The following MIOS variants were observed in gnomAD, a reference collection of about 807,000 sequenced individuals.
The protein encoded by MIOS is meiosis regulator for oocyte development.
A neutral mutation model predicts 96.9 loss-of-function variants in MIOS; 52 were observed. The observed-to-expected ratio is 0.54, with a 90% CI of 0.43 to 0.68. The LOEUF (loss-of-function observed/expected upper bound fraction) is 0.68. Ranked by LOEUF, MIOS falls within the 30% of genes least tolerant of loss-of-function variation. The pLI, the probability that MIOS is intolerant of heterozygous loss-of-function variation, is 0.00. For missense variants in MIOS, 1,005 were observed against 1,052.8 expected (o/e 0.95, Z 0.63); for synonymous variants, 397 against 359.5 (o/e 1.10, Z -1.18).
chr7:7,596,504 T>C lies in MIOS; in HGVS notation c.2401+43T>C, dbSNP rs574443099. 9.8e-5 allele frequency: 151 copies of C among 1,537,356 alleles called. 2 individuals carry two copies. In the East Asian group the frequency reaches 2.7e-3, roughly 27 times the overall value. On this transcript the variant is annotated intron_variant, in intron 11 of 12. Transcript: ENST00000340080. ...AAAATACTTTTATGAACTGAAATGA[T>C]TCTTACATAATTGAGTTAATGTTGC...
In MIOS at chr7:7,573,786, G is replaced by A. The variant is rs773856632; in HGVS notation, c.1294+17G>A. The A allele has an allele frequency of 1.0e-5, 16 of 1,545,430 alleles. No individual in the cohort carries two copies. The highest frequency in any genetic ancestry group is 1.2e-5 in the Non-Finnish European group (14 of 1,148,334). ...CTCTGCACTATATCCTTTTCATTGT[G>A]AATTTTGTGAGGTGAATCAGGTAGA... On this transcript the variant is annotated intron_variant, in intron 4 of 12. Coordinates refer to ENST00000340080, the MANE Select transcript of MIOS (RefSeq NM_019005.4). This position sits in a 1 kb window ranked among gnomAD's most constrained non-coding sequence, Gnocchi z 5.0.
chr7:7,600,544 C>T (rs1035666308), intron 11 of MIOS, among the ~76,000 whole-genome samples: 2 of 152,150 alleles, frequency 1.3e-5, no homozygotes, highest in Non-Finnish European at 2.9e-5. Flanking sequence ...GCACCCAATA[C>T]AGGAGCACCC....
chr7:7,569,342 A>G (rs1452515351), intron 3 of MIOS, among the ~76,000 whole-genome samples: 1 of 152,206 alleles, frequency 6.6e-6, no homozygotes, highest in South Asian at 2.1e-4. Flanking sequence ...TCATCGGCTC[A>G]TGTTTGCTGC....
chr7:7,597,603 G>C (rs539295164), intron 11 of MIOS, among the ~76,000 whole-genome samples: 87 of 147,766 alleles, frequency 5.9e-4, no homozygotes, highest in African/African-American at 2.1e-3. Flanking sequence ...ATTGCATACT[G>C]ACCACTCTTT....
At chr7:7,581,224 C>G (rs1299989322) in intron 5 of MIOS, among the ~76,000 whole-genome samples, 1 of 142,474 alleles carries the variant, frequency 7.0e-6, no homozygotes, top group Admixed American at 6.9e-5. Flanking sequence ...TCGCTTGAAC[C>G]TGGGAGGCGG....
intron 5 of MIOS, 57 bp from the exon 6 acceptor site, chr7:7,583,061 C>G (rs1201478058): frequency 2.0e-6 from 3 of 1,512,364 alleles, no homozygotes; most frequent in Non-Finnish European, 1.8e-6. Flanking sequence ...GTAAAACTGA[C>G]TTACTTTCCA....
chr7:7,573,687 T>C lies in MIOS; in HGVS notation c.1212T>C (p.Leu404=). The C allele has an allele frequency of 6.2e-7, 1 of 1,613,950 alleles. No homozygotes were observed. The highest frequency in any genetic ancestry group is 8.5e-7 in the Non-Finnish European group (1 of 1,179,908). The part of the protein sequence containing the change: ...MRLRALSRYG[L]DTEQVWRNHI... The stretch of plus-strand genomic sequence containing the variant: ...TTCGGGCTTTATCAAGGTATGGACT[T>C]GATACAGAGCAGGTGTGGAGGAACC... The change falls in exon 4 of 13, where the codon CTT becomes CTC. Residue 404 remains leucine (L), a synonymous_variant. Transcript: ENST00000340080. The surrounding 1 kb of genome is among the most constrained non-coding windows in gnomAD (Gnocchi z 5.0).
In MIOS at chr7:7,581,532, G is replaced by A. The variant is rs181122494; in HGVS notation, c.1394-1586G>A. On this transcript the variant is annotated intron_variant, in intron 5 of 12. Transcript: ENST00000340080. ...GGTCCTCTGTTGAGAGTCTCAAAAA[G>A]GCTAACCAGAAGGTATCAGCCAAAT... Among the ~76,000 whole-genome samples the A allele has an allele frequency of 3.5e-3, 537 of 152,182 alleles. 3 individuals are homozygous for A. Among genetic ancestry groups the A allele is most frequent in the African/African-American group, 0.012 (511 of 41,532 alleles).
chr7:7,594,085 A>G (rs1368992213), intron 9 of MIOS, among the ~76,000 whole-genome samples: 1 of 152,134 alleles, frequency 6.6e-6, no homozygotes, highest in Non-Finnish European at 1.5e-5. Flanking sequence ...GGGCAAAAGA[A>G]CTAAGAAGGT....
At chr7:7,583,524 C>G in intron 6 of MIOS, 152 bp downstream of exon 6, 4 of 867,776 alleles carry the variant, frequency 4.6e-6, no homozygotes, top group Non-Finnish European at 6.6e-6. Context: ...AGCAGTATAT[C>G]TATAACAGTA....
At chr7:7,588,609 G>C in intron 8 of MIOS, 46 bp downstream of exon 8, 2 of 1,244,920 alleles carry the variant, frequency 1.6e-6, no homozygotes, top group Non-Finnish European at 2.2e-6. Flanking sequence ...AATATGTACT[G>C]TCACAATTAT....
chr7:7,604,310 G>A (rs575321028), intron 11 of MIOS, among the ~76,000 whole-genome samples: 9 of 152,170 alleles, frequency 5.9e-5, no homozygotes, highest in Admixed American at 2.6e-4. Context: ...CATCCATCAT[G>A]CTTTGTGATT....
chr7:7,602,287 CCT>C (rs1461032276), intron 11 of MIOS, among the ~76,000 whole-genome samples: 2 of 152,110 alleles, frequency 1.3e-5, no homozygotes, highest in African/African-American at 4.8e-5. Flanking sequence ...TCAAATTGTC[CCT>C]GTTTGCAGAT....
At chr7:7,600,888 A>C (rs190286999) in intron 11 of MIOS, among the ~76,000 whole-genome samples, 241 of 152,362 alleles carry the variant, frequency 1.6e-3, no homozygotes, top group Middle Eastern at 0.014. Context: ...CAGTGCAATC[A>C]AACTAGAACT....
intron 6 of MIOS, among the ~76,000 whole-genome samples, chr7:7,583,970 A>G (rs896051537): frequency 2.0e-5 from 3 of 152,178 alleles, no homozygotes; most frequent in South Asian, 2.1e-4. Context: ...TCGGAAAAAC[A>G]AATCCTAATA....
In MIOS at chr7:7,607,832, C is replaced by T. The variant is rs866602031; in HGVS notation, c.*740C>T. On this transcript the variant is annotated 3_prime_UTR_variant, in exon 13 of 13. Transcript: ENST00000340080. Reference sequence around the variant, plus strand: ...ACATGTACCATTTCAGGTGAACATACAAAATTTTCACTTTCTACCTTTTGC... The same window carrying T: ...ACATGTACCATTTCAGGTGAACATATAAAATTTTCACTTTCTACCTTTTGC... 2 of 152,198 alleles carry T rather than the reference C, an allele frequency of 1.3e-5. No individual in the cohort carries two copies. The highest frequency in any genetic ancestry group is 1.9e-4 in the East Asian group (1 of 5,172). 9.4% of individuals were successfully genotyped at this position (152,198 alleles called of 1,614,324 possible).
intron 5 of MIOS, among the ~76,000 whole-genome samples, chr7:7,580,607 C>T (rs1410448249): frequency 6.6e-6 from 1 of 151,648 alleles, no homozygotes; most frequent in East Asian, 1.9e-4. Flanking sequence ...CTTGCCACAG[C>T]CTAAAATCAG....
In MIOS at chr7:7,572,770, A is replaced by G. The variant is rs370874219; in HGVS notation, c.295A>G (p.Lys99Glu). Reference protein sequence around the residue: ...LTSLGQDHNSKFKDLIGKEFV... With the variant: ...LTSLGQDHNSEFKDLIGKEFV... ...AAGCCTTGGTCAAGATCATAACTCAAAGTTCAAAGATTTGATAGGAAAAGA... is the reference window on the plus strand; with the variant it reads ...AAGCCTTGGTCAAGATCATAACTCAGAGTTCAAAGATTTGATAGGAAAAGA... Residue 99 changes from lysine (K) to glutamate (E), a missense_variant, in exon 4 of 13, where the codon AAG becomes GAG. By Grantham distance (56) the Lys-to-Glu change is moderately conservative. This residue lies in a region of MIOS where 137 missense variants were observed against 148.6 expected (regional missense o/e 0.92). Coordinates refer to ENST00000340080, the MANE Select transcript of MIOS (RefSeq NM_019005.4). The surrounding 1 kb of genome is among the most constrained non-coding windows in gnomAD (Gnocchi z 4.8). The G allele has an allele frequency of 2.2e-5, 35 of 1,614,156 alleles. No homozygotes were observed. The highest frequency in any genetic ancestry group is 4.5e-5 in the East Asian group (2 of 44,880).
chr7:7,569,394 G>T (rs900776512), intron 3 of MIOS, among the ~76,000 whole-genome samples: 15 of 152,158 alleles, frequency 9.9e-5, no homozygotes, highest in Non-Finnish European at 1.6e-4. Context: ...CATAGAAGGT[G>T]CCCAATCAAT....
Sources: allele counts gnomAD v4.1 joint callset (sites outside exome capture counted in the v4.1 genomes callset), GRCh38; gene constraint gnomAD v4.1.1; regional missense constraint gnomAD v4.1.1; non-coding constraint Gnocchi (gnomAD v3.1); transcripts MANE v1.5; gene names NCBI Gene and HGNC (gene_info 2026-07-23, HGNC 2026-07-21).